The following RBFOX3 variants were observed in gnomAD, a reference collection of about 807,000 sequenced individuals.
The protein encoded by RBFOX3 is RNA binding protein fox-1 homolog 3.
A neutral mutation model predicts 48.7 loss-of-function variants in RBFOX3; 17 were observed. The observed-to-expected ratio is 0.35, with a 90% CI of 0.24 to 0.52. The LOEUF (loss-of-function observed/expected upper bound fraction) is 0.52, where lower values mean the gene tolerates loss of function less well. Among genes scored for constraint, RBFOX3 ranks in the 20% least tolerant of loss-of-function variants. RBFOX3 has a pLI of 0.94. For missense variants in RBFOX3, 382 were observed against 497.5 expected, an observed-to-expected ratio of 0.77 and a Z score of 2.21; for synonymous variants, 212 against 209.5, an observed-to-expected ratio of 1.01 and a Z score of -0.10.
Position 79,151,911 on chromosome 17 carries a change from GA to G in RBFOX3, c.-33-36164del, listed in dbSNP as rs2044580596. On this transcript the variant is annotated intron_variant, in intron 4 of 14. Transcript: ENST00000693108. ...GAGGGGACCTGCAGGGGGAGGAGGG[GA>G]GGCGAGGATGGGAGGGGACCTACAG... 5.7e-5 allele frequency among the ~76,000 whole-genome samples: 3 copies of G among 52,452 alleles called. 1 individual carries two copies. Among genetic ancestry groups the G allele is most frequent in the Non-Finnish European group, 9.8e-5 (2 of 20,494 alleles). 34.4% of individuals were successfully genotyped at this position (52,452 alleles called of 152,430 possible). A position where few individuals can be genotyped will look rare whatever the true frequency, so the allele number is the denominator to read the frequency against.
At chr17:79,452,947 C>A (rs1555742626) in intron 2 of RBFOX3, among the ~76,000 whole-genome samples, 1 of 152,222 alleles carries the variant, frequency 6.6e-6, no homozygotes, top group South Asian at 2.1e-4. Flanking sequence ...ACCTGGACCA[C>A]GTCTCCCCTC....
intron 1 of RBFOX3, among the ~76,000 whole-genome samples, chr17:79,557,114 G>A (rs1186314235): frequency 1.3e-5 from 2 of 151,686 alleles, no homozygotes; most frequent in Non-Finnish European, 2.9e-5. Flanking sequence ...GCATGGTGGT[G>A]GACACCTGTA....
At chr17:79,116,566 C>T (rs1030156814) in intron 4 of RBFOX3, among the ~76,000 whole-genome samples, 1 of 152,246 alleles carries the variant, frequency 6.6e-6, no homozygotes, top group Non-Finnish European at 1.5e-5. Flanking sequence ...AGTGAGAGGG[C>T]GGCGCTGCCC....
intron 4 of RBFOX3, among the ~76,000 whole-genome samples, chr17:79,228,020 G>A (rs924003178): frequency 2.0e-5 from 3 of 152,180 alleles, no homozygotes; most frequent in Non-Finnish European, 4.4e-5. Flanking sequence ...AGGCCTGCAG[G>A]GTCAGAAGGA....
At chr17:79,467,270 G>A (rs960900184) in intron 2 of RBFOX3, among the ~76,000 whole-genome samples, 4 of 152,150 alleles carry the variant, frequency 2.6e-5, no homozygotes, top group African/African-American at 9.7e-5. Context: ...AGAGGCTGAT[G>A]TGTGGCTTAG....
chr17:79,229,013 AG>A (rs770821166), intron 4 of RBFOX3, among the ~76,000 whole-genome samples: 17 of 110,960 alleles, frequency 1.5e-4, no homozygotes, highest in Non-Finnish European at 2.9e-4. Flanking sequence ...GGATCACTTG[AG>A]GTCAGGAGTT....
At chr17:79,101,487 G>A in intron 9 of RBFOX3, 97 bp downstream of exon 9, 1 of 1,112,274 alleles carries the variant, frequency 9.0e-7, no homozygotes, top group South Asian at 1.3e-5. Flanking sequence ...GGCTGCCTAG[G>A]ATCCAGGAAG....
At chr17:79,382,101 C>T (rs1016242461) in intron 2 of RBFOX3, among the ~76,000 whole-genome samples, 16 of 152,200 alleles carry the variant, frequency 1.1e-4, no homozygotes, top group African/African-American at 1.7e-4. Context: ...AATAGGAGAC[C>T]GTGCTGGGCT....
chr17:79,452,918 CG>C (rs1445956370), intron 2 of RBFOX3, among the ~76,000 whole-genome samples: 3 of 152,320 alleles, frequency 2.0e-5, no homozygotes, highest in Non-Finnish European at 4.4e-5. Context: ...GGTGCCATCC[CG>C]CTCACGGCCC....
chr17:79,257,132 A>G (rs570382729), intron 3 of RBFOX3, among the ~76,000 whole-genome samples: 1 of 151,974 alleles, frequency 6.6e-6, no homozygotes, highest in Non-Finnish European at 1.5e-5. Context: ...AGCACTGGGA[A>G]GCCGGAATGT....
At position 79,511,629 on chromosome 17, in the gene RBFOX3, A is replaced by G. The variant is rs992612030; in HGVS notation, c.-319-29031T>C. On this transcript the variant is annotated intron_variant, in intron 1 of 14. Coordinates refer to ENST00000693108, the MANE Select transcript of RBFOX3 (RefSeq NM_001350451.2). ...CTGTCAGGCAACATGGGCCAGATGC[A>G]TGTTACCATCTAGCACAGCCCCATG... Among the ~76,000 whole-genome samples, 34 of 152,276 alleles carry G rather than the reference A, an allele frequency of 2.2e-4. No homozygotes were observed. In the East Asian group the frequency reaches 6.2e-3, roughly 28 times the overall value.
intron 4 of RBFOX3, among the ~76,000 whole-genome samples, chr17:79,208,189 C>G (rs1299681977): frequency 6.6e-6 from 1 of 152,198 alleles, no homozygotes; most frequent in East Asian, 1.9e-4. Flanking sequence ...GCTGGCAGTG[C>G]GGGTCTCCAG....
At chr17:79,497,821 C>T (rs1256825623) in intron 1 of RBFOX3, among the ~76,000 whole-genome samples, 1 of 152,216 alleles carries the variant, frequency 6.6e-6, no homozygotes, top group African/African-American at 2.4e-5. Flanking sequence ...GCCACCCCAG[C>T]AGGGACTAAG....
At chr17:79,352,443 A>AAATCTCTT (rs2084137116) in intron 2 of RBFOX3, among the ~76,000 whole-genome samples, 1 of 152,168 alleles carries the variant, frequency 6.6e-6, no homozygotes, top group Non-Finnish European at 1.5e-5. Flanking sequence ...TGAGCCAATT[A>AAATCTCTT]AATCTCTTTT....
chr17:79,393,256 G>T (rs999325576), intron 2 of RBFOX3, among the ~76,000 whole-genome samples: 28 of 152,362 alleles, frequency 1.8e-4, no homozygotes, highest in African/African-American at 6.5e-4. Flanking sequence ...GCAGCACAGG[G>T]GGAAAGGGAG....
chr17:79,643,009 G>A, the RBFOX3 span, among the ~76,000 whole-genome samples: 3 of 152,134 alleles, frequency 2.0e-5, no homozygotes, highest in Non-Finnish European at 4.4e-5. Context: ...GGCTGAGCTG[G>A]GAGGATCGCT....
At chr17:79,605,176 C>T (rs1186704606) in intron 1 of RBFOX3, among the ~76,000 whole-genome samples, 5 of 151,980 alleles carry the variant, frequency 3.3e-5, no homozygotes, top group Admixed American at 6.6e-5. Flanking sequence ...TCTGGAGGTC[C>T]GGGTTACCTT....
intron 1 of RBFOX3, among the ~76,000 whole-genome samples, chr17:79,590,297 G>A (rs2093380743): frequency 6.6e-6 from 1 of 152,192 alleles, no homozygotes; most frequent in East Asian, 1.9e-4. Flanking sequence ...CGTTTTAAAA[G>A]GGAGGGGGCT....
At chr17:79,121,837 G>A (rs528961981) in intron 4 of RBFOX3, among the ~76,000 whole-genome samples, 1 of 152,036 alleles carries the variant, frequency 6.6e-6, no homozygotes, top group East Asian at 1.9e-4. Flanking sequence ...TTTTGATTTA[G>A]TCTCCAAATT....
Sources: allele counts gnomAD v4.1 joint callset (sites outside exome capture counted in the v4.1 genomes callset), GRCh38; gene constraint gnomAD v4.1.1; transcripts MANE v1.5; gene names NCBI Gene and HGNC (gene_info 2026-07-23, HGNC 2026-07-21).